Variants in AKAP19 observed in about 807,000 individuals in gnomAD.
The protein encoded by AKAP19 is small A-kinase anchoring protein.
the AKAP19 span, among the ~76,000 whole-genome samples, chr2:189,908,159 ATCTT>A: frequency 7.3e-4 from 107 of 146,562 alleles, no homozygotes; most frequent in East Asian, 0.019. Flanking sequence ...TTTATTTCAG[ATCTT>A]TCTATTTTCT....
the AKAP19 span, among the ~76,000 whole-genome samples, chr2:190,109,556 A>T: frequency 2.0e-5 from 3 of 151,144 alleles, no homozygotes; most frequent in Non-Finnish European, 4.4e-5. Flanking sequence ...TGGGAGGGGG[A>T]CTCTTGCCGA....
chr2:190,011,670 T>C, the AKAP19 span, among the ~76,000 whole-genome samples: 3 of 152,198 alleles, frequency 2.0e-5, no homozygotes, highest in Admixed American at 2.0e-4. Context: ...TTCTCTGACA[T>C]CATTTATTGA....
the AKAP19 span, chr2:190,189,626 A>C: frequency 6.6e-6 from 1 of 152,196 alleles, no homozygotes; most frequent in South Asian, 2.1e-4. Flanking sequence ...GTGGGGATGA[A>C]GTATTACTAA....
the AKAP19 span, among the ~76,000 whole-genome samples, chr2:190,071,382 C>T: frequency 6.6e-6 from 1 of 151,986 alleles, no homozygotes; most frequent in African/African-American, 2.4e-5. Context: ...TTTACTGTAC[C>T]TTTTCTATAT....
the AKAP19 span, among the ~76,000 whole-genome samples, chr2:189,894,798 C>A: frequency 9.5e-4 from 144 of 151,370 alleles, no homozygotes; most frequent in African/African-American, 3.3e-3. Flanking sequence ...TTTTTGATGT[C>A]TTTTCTTAAA....
At chr2:190,200,171 G>A in the AKAP19 span, 1 of 1,595,802 alleles carries the variant, frequency 6.3e-7, no homozygotes, top group Middle Eastern at 1.7e-4. Flanking sequence ...ACAACACTTT[G>A]ACTGTGGAGG....
chr2:189,953,649 A>AAAAAAAAAAAAAAAAAAAAC, the AKAP19 span, among the ~76,000 whole-genome samples: 1 of 144,196 alleles, frequency 6.9e-6, no homozygotes, highest in Non-Finnish European at 1.5e-5. Flanking sequence ...AAAAAAAAAA[A>AAAAAAAAAAAAAAAAAAAAC]AAAAAAAAAA....
At chr2:189,979,114 A>C in the AKAP19 span, among the ~76,000 whole-genome samples, 1 of 152,138 alleles carries the variant, frequency 6.6e-6, no homozygotes, top group African/African-American at 2.4e-5. Flanking sequence ...AAAAGAGCTC[A>C]AATAGCCAAA....
At chr2:190,026,425 C>T in the AKAP19 span, among the ~76,000 whole-genome samples, 4 of 152,226 alleles carry the variant, frequency 2.6e-5, no homozygotes, top group South Asian at 4.1e-4. Flanking sequence ...AACGATGTTA[C>T]ATATTTTAAC....
the AKAP19 span, among the ~76,000 whole-genome samples, chr2:189,909,092 C>A: frequency 6.6e-6 from 1 of 151,980 alleles, no homozygotes; most frequent in Non-Finnish European, 1.5e-5. Context: ...GACTTGACCC[C>A]TTTATCATTA....
At chr2:189,955,376 A>T in the AKAP19 span, among the ~76,000 whole-genome samples, 1 of 152,146 alleles carries the variant, frequency 6.6e-6, no homozygotes, top group Non-Finnish European at 1.5e-5. Context: ...ATTGATGGAC[A>T]CTTAACTTGA....
the AKAP19 span, chr2:190,199,851 T>G: frequency 6.2e-7 from 1 of 1,610,964 alleles, no homozygotes; most frequent in African/African-American, 1.3e-5. Flanking sequence ...CACAAACAGC[T>G]CTTCATAACA....
At chr2:189,892,534 C>T in the AKAP19 span, among the ~76,000 whole-genome samples, 1 of 152,138 alleles carries the variant, frequency 6.6e-6, no homozygotes, top group Non-Finnish European at 1.5e-5. Flanking sequence ...CATTCCAGAC[C>T]CTGTTTGCAT....
the AKAP19 span, among the ~76,000 whole-genome samples, chr2:190,135,304 A>G: frequency 9.2e-5 from 14 of 152,282 alleles, no homozygotes; most frequent in African/African-American, 4.8e-5. Flanking sequence ...AAGGTGTGGA[A>G]CGTGGTTTTT....
the AKAP19 span, among the ~76,000 whole-genome samples, chr2:190,053,028 T>C: frequency 6.6e-6 from 1 of 152,228 alleles, no homozygotes; most frequent in Non-Finnish European, 1.5e-5. Context: ...AGCTTTATTA[T>C]GAAGCAGAAA....
At chr2:189,918,245 A>G in the AKAP19 span, among the ~76,000 whole-genome samples, 1 of 152,110 alleles carries the variant, frequency 6.6e-6, no homozygotes, top group Non-Finnish European at 1.5e-5. Flanking sequence ...GTATTTATCT[A>G]TGTTTTTTAC....
the AKAP19 span, chr2:189,923,307 C>G: frequency 6.3e-7 from 1 of 1,597,250 alleles, no homozygotes; most frequent in Non-Finnish European, 8.6e-7. Context: ...TTGTTTTCGG[C>G]TTTGTGAGAA....
At chr2:189,926,013 T>C in the AKAP19 span, among the ~76,000 whole-genome samples, 1 of 152,222 alleles carries the variant, frequency 6.6e-6, no homozygotes, top group Non-Finnish European at 1.5e-5. Flanking sequence ...TTATACTGGA[T>C]TGAGTAGACT....
the AKAP19 span, among the ~76,000 whole-genome samples, chr2:189,980,351 G>C: frequency 1.4e-4 from 21 of 152,126 alleles, no homozygotes; most frequent in Non-Finnish European, 2.5e-4. Context: ...TTTTAGTTTT[G>C]TTTTTGAAAT....
Sources: allele counts gnomAD v4.1 joint callset (sites outside exome capture counted in the v4.1 genomes callset), GRCh38; gene constraint gnomAD v4.1.1; transcripts MANE v1.5; gene names NCBI Gene and HGNC (gene_info 2026-07-23, HGNC 2026-07-21).